The following SNTG1 variants were observed in gnomAD, a reference collection of about 807,000 sequenced individuals.
The protein encoded by SNTG1 is gamma-1-syntrophin.
In SNTG1, 39 loss-of-function variants were observed where a neutral mutation model predicts 74.7. The observed-to-expected ratio is 0.52, with a 90% CI of 0.40 to 0.68. The LOEUF (loss-of-function observed/expected upper bound fraction) is 0.68, where lower values mean the gene tolerates loss of function less well. Ranked by LOEUF, SNTG1 falls within the 30% of genes least tolerant of loss-of-function variation. SNTG1 has a pLI of 0.00. For synonymous variants in SNTG1, 254 were observed against 217.1 expected, an observed-to-expected ratio of 1.17 and a Z score of -1.49; for missense variants, 685 against 609.5, an observed-to-expected ratio of 1.12 and a Z score of -1.30.
chr8:50,211,437 T>C (rs1303690684), intron 2 of SNTG1, among the ~76,000 whole-genome samples: 3 of 152,128 alleles, frequency 2.0e-5, no homozygotes, highest in Non-Finnish European at 4.4e-5. Context: ...TTTATGTACT[T>C]GGTGCCATGC....
intron 1 of SNTG1, among the ~76,000 whole-genome samples, chr8:50,110,529 C>A (rs1167191365): frequency 2.6e-5 from 4 of 152,126 alleles, no homozygotes; most frequent in African/African-American, 4.8e-5. Context: ...AGCTTTTGGT[C>A]TCTATAACCC....
At chr8:50,180,866 C>A (rs1031119736) in intron 2 of SNTG1, among the ~76,000 whole-genome samples, 2 of 148,732 alleles carry the variant, frequency 1.3e-5, no homozygotes, top group Non-Finnish European at 3.0e-5. Flanking sequence ...GTTCAAGCGA[C>A]TCTCCGGCCT....
At chr8:49,995,175 C>G (rs1189034369) in intron 1 of SNTG1, among the ~76,000 whole-genome samples, 2 of 152,042 alleles carry the variant, frequency 1.3e-5, no homozygotes, top group Non-Finnish European at 2.9e-5. Flanking sequence ...AAATCCTGAA[C>G]TCTGGTGAAG....
chr8:50,080,852 A>G (rs547649219), intron 1 of SNTG1, among the ~76,000 whole-genome samples: 77 of 152,292 alleles, frequency 5.1e-4, no homozygotes, highest in Admixed American at 3.9e-3. Context: ...TATCCACTCA[A>G]GTTCTGGGCA....
chr8:50,350,160 G>T (rs1156598872), intron 2 of SNTG1, among the ~76,000 whole-genome samples: 1 of 152,152 alleles, frequency 6.6e-6, no homozygotes, highest in Non-Finnish European at 1.5e-5. Context: ...TCAGGGTCAG[G>T]GCTCTGGACC....
chr8:50,629,320 TA>T (rs1261581994), intron 13 of SNTG1, among the ~76,000 whole-genome samples: 1 of 152,162 alleles, frequency 6.6e-6, no homozygotes, highest in Non-Finnish European at 1.5e-5. Context: ...TGTTTTGAAA[TA>T]ATATTTTCTG....
chr8:50,297,960 T>C (rs1202343722), intron 2 of SNTG1, among the ~76,000 whole-genome samples: 1 of 151,720 alleles, frequency 6.6e-6, no homozygotes, highest in Non-Finnish European at 1.5e-5. Flanking sequence ...AATATTGTTT[T>C]TGTTGTCAAA....
At chr8:50,574,986 T>A (rs2094569029) in intron 12 of SNTG1, among the ~76,000 whole-genome samples, 1 of 152,224 alleles carries the variant, frequency 6.6e-6, no homozygotes, top group Admixed American at 6.5e-5. Context: ...TGATGTTTGA[T>A]CATATGCAAA....
At chr8:50,597,878 T>A (rs1170218627) in intron 13 of SNTG1, among the ~76,000 whole-genome samples, 1 of 152,062 alleles carries the variant, frequency 6.6e-6, no homozygotes. Context: ...AAATGTCTAT[T>A]CAGATCTTTT....
intron 1 of SNTG1, among the ~76,000 whole-genome samples, chr8:50,014,435 G>A (rs997796833): frequency 2.9e-5 from 4 of 137,256 alleles, no homozygotes; most frequent in Non-Finnish European, 6.5e-5. Context: ...GAATTTAAAA[G>A]GAAATTCTAA....
intron 6 of SNTG1, 31 bp from the exon 7 acceptor site, chr8:50,450,525 T>C: frequency 6.2e-7 from 1 of 1,611,172 alleles, no homozygotes; most frequent in Middle Eastern, 1.7e-4. Flanking sequence ...AAACAGTCAA[T>C]GCATTATCAA....
chr8:50,297,418 A>G (rs2089437042), intron 2 of SNTG1, among the ~76,000 whole-genome samples: 1 of 152,090 alleles, frequency 6.6e-6, no homozygotes. Flanking sequence ...CCCAGCACAC[A>G]ATTTTTTTTC....
At position 50,402,223 on chromosome 8, in the gene SNTG1, T is replaced by A. The variant is rs2092815250; in HGVS notation, c.41T>A (p.Ile14Asn). 6.3e-7 allele frequency: 1 copy of A among 1,591,042 alleles called. No homozygotes were observed. The highest frequency in any genetic ancestry group is 8.5e-7 in the Non-Finnish European group (1 of 1,174,348). The change falls in exon 4 of 19, where the codon ATT becomes AAT. Residue 14 changes from isoleucine (I) to asparagine (N), a missense_variant. Coordinates refer to ENST00000642720, the MANE Select transcript of SNTG1 (RefSeq NM_018967.5). The part of the protein sequence containing the change: ...RTACEETKTG[I>N]CLLQDGNQEP... ...TTTAATCTGAAGACAAAGACAGGAATTTGTTTGCTGCAGGATGGTAACCAG... is the reference window on the plus strand; with the variant it reads ...TTTAATCTGAAGACAAAGACAGGAAATTGTTTGCTGCAGGATGGTAACCAG...
intron 2 of SNTG1, among the ~76,000 whole-genome samples, chr8:50,320,183 T>G (rs569745313): frequency 1.3e-5 from 2 of 152,204 alleles, no homozygotes; most frequent in Non-Finnish European, 2.9e-5. Context: ...GGCTTCAATC[T>G]CATTCTTCGT....
At chr8:50,264,778 G>T (rs946931630) in intron 2 of SNTG1, among the ~76,000 whole-genome samples, 2 of 151,814 alleles carry the variant, frequency 1.3e-5, no homozygotes, top group Non-Finnish European at 2.9e-5. Flanking sequence ...TGAATTATTC[G>T]AATCAGGAAT....
intron 9 of SNTG1, among the ~76,000 whole-genome samples, chr8:50,528,426 C>A (rs889141264): frequency 3.3e-5 from 5 of 151,790 alleles, no homozygotes; most frequent in Non-Finnish European, 7.4e-5. Context: ...TGCTTTCGTT[C>A]TTTAGCCTTT....
chr8:50,745,434 G>C (rs1000404320), intron 17 of SNTG1, among the ~76,000 whole-genome samples: 1 of 151,986 alleles, frequency 6.6e-6, no homozygotes, highest in Admixed American at 6.6e-5. Context: ...AAATGGAAGA[G>C]TAACCCTTTC....
At chr8:49,976,609 A>G (rs1812214720) in intron 1 of SNTG1, among the ~76,000 whole-genome samples, 1 of 152,164 alleles carries the variant, frequency 6.6e-6, no homozygotes, top group South Asian at 2.1e-4. Flanking sequence ...AGGGAAGCCT[A>G]CTCTGAGGAG....
chr8:50,450,807 T>C, intron 8 of SNTG1, 78 bp downstream of exon 8: 1 of 1,368,582 alleles, frequency 7.3e-7, no homozygotes, highest in African/African-American at 1.4e-5. Context: ...AGACTGTCAC[T>C]TCATTCATTA....
Sources: allele counts gnomAD v4.1 joint callset (sites outside exome capture counted in the v4.1 genomes callset), GRCh38; gene constraint gnomAD v4.1.1; transcripts MANE v1.5; gene names NCBI Gene and HGNC (gene_info 2026-07-23, HGNC 2026-07-21).